Variants in SGIP1 observed in about 807,000 individuals in gnomAD.
SGIP1 encodes the protein SH3GL interacting endocytic adaptor 1.
A neutral mutation model predicts 107.5 loss-of-function variants in SGIP1; 38 were observed. The observed-to-expected ratio is 0.35, with a 90% CI of 0.27 to 0.46. SGIP1 has a LOEUF of 0.46. Ranked by LOEUF, SGIP1 falls within the 20% of genes least tolerant of loss-of-function variation. The pLI, the probability that SGIP1 is intolerant of heterozygous loss-of-function variation, is 1.00. For synonymous variants in SGIP1, 365 were observed against 366.1 expected (o/e 1.00, Z 0.03); for missense variants, 929 against 1,019.5 (o/e 0.91, Z 1.21).
At chr1:66,591,686 T>A (rs1366330080) in intron 1 of SGIP1, among the ~76,000 whole-genome samples, 1 of 152,144 alleles carries the variant, frequency 6.6e-6, no homozygotes. Flanking sequence ...CCCAGGGGAC[T>A]GGCGCTCAGC....
At chr1:66,730,551 C>A (rs188189705) in intron 20 of SGIP1, among the ~76,000 whole-genome samples, 1 of 152,262 alleles carries the variant, frequency 6.6e-6, no homozygotes, top group East Asian at 1.9e-4. Flanking sequence ...ACTGCAATTG[C>A]CTTCTCTCCC....
At chr1:66,549,180 TTCC>T (rs2057009328) in intron 1 of SGIP1, among the ~76,000 whole-genome samples, 1 of 150,472 alleles carries the variant, frequency 6.6e-6, no homozygotes, top group Non-Finnish European at 1.5e-5. Context: ...CCTTCCTTCC[TTCC>T]TTCCTTCCTT....
At chr1:66,640,039 A>AT (rs1194166952) in intron 5 of SGIP1, among the ~76,000 whole-genome samples, 2 of 152,046 alleles carry the variant, frequency 1.3e-5, no homozygotes, top group East Asian at 1.9e-4. Flanking sequence ...ACTTTATGAG[A>AT]TTTTTTGTGA....
chr1:66,714,081 A>G (rs753462069), intron 18 of SGIP1, among the ~76,000 whole-genome samples: 1 of 152,180 alleles, frequency 6.6e-6, no homozygotes, highest in Non-Finnish European at 1.5e-5. Context: ...GACAAAAATG[A>G]CAGCAACAAA....
Position 66,649,411 on chromosome 1 carries a change from G to A in SGIP1, c.459+5692G>A, listed in dbSNP as rs1031985885. On this transcript the variant is annotated intron_variant, in intron 7 of 24. Transcript: ENST00000371037. ...TTAGGTAAGGTACTTAAACCTCAGT[G>A]AGAGTCTCAGTTTCTTTCTGTCTGA... Among the ~76,000 whole-genome samples the A allele has an allele frequency of 9.8e-5, 15 of 152,300 alleles. 1 individual carries two copies. The highest frequency in any genetic ancestry group is 3.6e-4 in the African/African-American group (15 of 41,574).
intron 19 of SGIP1, among the ~76,000 whole-genome samples, chr1:66,727,242 T>C (rs1469342383): frequency 6.6e-6 from 1 of 152,176 alleles, no homozygotes; most frequent in African/African-American, 2.4e-5. Context: ...AACAACCCTA[T>C]TTAAAAACTT....
chr1:66,639,283 A>G (rs1466570449), intron 4 of SGIP1, among the ~76,000 whole-genome samples: 1 of 152,228 alleles, frequency 6.6e-6, no homozygotes, highest in African/African-American at 2.4e-5. Context: ...TCTGTGTTTT[A>G]TCAAGGGGGT....
At position 66,667,535 on chromosome 1, in the gene SGIP1, C is replaced by T; in HGVS notation, c.477C>T (p.Arg159=). 4 of 1,613,786 alleles carry T rather than the reference C, an allele frequency of 2.5e-6. No individual in the cohort carries two copies. Among genetic ancestry groups the T allele is most frequent in the Non-Finnish European group, 3.4e-6 (4 of 1,179,760 alleles). The change falls in exon 9 of 25, where the codon CGC becomes CGT. Residue 159 remains arginine (R), a synonymous_variant. Coordinates refer to ENST00000371037, the MANE Select transcript of SGIP1 (RefSeq NM_032291.4). Reference sequence around the variant, plus strand: ...TTCCTTTTTGCTGATCACAGAGGCGCAGCCCGGTAAGAACTCTCAACATTT... The same window carrying T: ...TTCCTTTTTGCTGATCACAGAGGCGTAGCCCGGTAAGAACTCTCAACATTT... The part of the protein sequence containing the change: ...SPSPVRKSPR[R]SPGAIKRNLS...
At chr1:66,689,360 G>A in intron 16 of SGIP1, 85 bp downstream of exon 16, 3 of 1,508,606 alleles carry the variant, frequency 2.0e-6, no homozygotes, top group South Asian at 2.7e-5. Context: ...TAAGCGTTTA[G>A]AGAACTCGTA....
chr1:66,635,370 T>C (rs2075578277), intron 3 of SGIP1, among the ~76,000 whole-genome samples: 1 of 152,204 alleles, frequency 6.6e-6, no homozygotes, highest in Admixed American at 6.5e-5. Context: ...AACTAACTTT[T>C]TTCCAAGCAG....
At chr1:66,559,513 T>C (rs1397076680) in intron 1 of SGIP1, among the ~76,000 whole-genome samples, 1 of 152,054 alleles carries the variant, frequency 6.6e-6, no homozygotes, top group African/African-American at 2.4e-5. Context: ...AGGACATTTA[T>C]TATTTTATAC....
chr1:66,534,387 T>C lies in SGIP1; in HGVS notation c.10+19T>C, dbSNP rs1467520868. ...ATGGAAGGTAGGATGCTTTCTGCTA[T>C]GGTTGACTGGCTTCAGGCAAGGTTT... On this transcript the variant is annotated intron_variant, in intron 1 of 24. Coordinates refer to ENST00000371037, the MANE Select transcript of SGIP1 (RefSeq NM_032291.4). 7 of 1,614,050 alleles carry C rather than the reference T, an allele frequency of 4.3e-6. No homozygotes were observed. Among genetic ancestry groups the C allele is most frequent in the Non-Finnish European group, 5.9e-6 (7 of 1,179,904 alleles).
chr1:66,621,342 C>T (rs1379632500), intron 1 of SGIP1, among the ~76,000 whole-genome samples: 1 of 152,210 alleles, frequency 6.6e-6, no homozygotes, highest in African/African-American at 2.4e-5. Context: ...AGCCAATCTG[C>T]CTTGTTTCTT....
intron 1 of SGIP1, among the ~76,000 whole-genome samples, chr1:66,562,813 G>A (rs2148474367): frequency 6.6e-6 from 1 of 152,178 alleles, no homozygotes; most frequent in Non-Finnish European, 1.5e-5. Flanking sequence ...GGAGGAGCAT[G>A]AGCAAGGTTC....
chr1:66,712,292 A>G (rs1251664723), intron 18 of SGIP1, among the ~76,000 whole-genome samples: 1 of 152,194 alleles, frequency 6.6e-6, no homozygotes, highest in African/African-American at 2.4e-5. Context: ...AAATGTAAAA[A>G]CCACTGAAAA....
intron 7 of SGIP1, among the ~76,000 whole-genome samples, chr1:66,658,607 G>GT (rs1271359512): frequency 6.6e-6 from 1 of 152,198 alleles, no homozygotes; most frequent in Non-Finnish European, 1.5e-5. Flanking sequence ...ATAAACATGT[G>GT]TTGAGTGCCT....
At chr1:66,713,325 C>G (rs2093033429) in intron 18 of SGIP1, among the ~76,000 whole-genome samples, 2 of 152,158 alleles carry the variant, frequency 1.3e-5, no homozygotes, top group South Asian at 2.1e-4. Flanking sequence ...ATTTTCATTG[C>G]TACTACAATT....
intron 1 of SGIP1, among the ~76,000 whole-genome samples, chr1:66,620,018 A>C (rs545748265): frequency 2.0e-5 from 3 of 152,356 alleles, no homozygotes; most frequent in African/African-American, 7.2e-5. Context: ...CCTCTAAACA[A>C]TTCTCCTTTC....
At chr1:66,740,459 C>G (rs1179500173) in intron 22 of SGIP1, among the ~76,000 whole-genome samples, 199 bp from the exon 23 acceptor site, 2 of 151,930 alleles carry the variant, frequency 1.3e-5, no homozygotes, top group East Asian at 3.9e-4. Flanking sequence ...GGTGTTCTAG[C>G]TAGTTACAAT....
Sources: allele counts gnomAD v4.1 joint callset (sites outside exome capture counted in the v4.1 genomes callset), GRCh38; gene constraint gnomAD v4.1.1; transcripts MANE v1.5; gene names NCBI Gene and HGNC (gene_info 2026-07-23, HGNC 2026-07-21).